BID: variants seen among roughly 807,000 people sequenced by gnomAD.
The protein encoded by BID is BH3 interacting domain death agonist.
Under a neutral mutation model 17.4 loss-of-function variants are expected in BID, and 19 were observed. That is an observed-to-expected ratio of 1.09 (90% CI 0.76 to 1.60). BID has a LOEUF of 1.60. Among genes scored for constraint, BID ranks in the 40% most tolerant of loss-of-function variants. The pLI is 0.00. For synonymous variants in BID, 108 were observed against 102.8 expected (o/e 1.05, Z -0.31); for missense variants, 226 against 256.0 (o/e 0.88, Z 0.80).
chr22:17,761,940 C>G (rs567288924), intron 1 of BID, among the ~76,000 whole-genome samples: 1 of 152,088 alleles, frequency 6.6e-6, no homozygotes, highest in Non-Finnish European at 1.5e-5. Flanking sequence ...ACTGGTAAAT[C>G]GCTTTAGGAG....
intron 3 of BID, chr22:17,740,405 AAAGCAAGGCCCTGCCTCTAC>A: frequency 1.9e-6 from 1 of 523,818 alleles, no homozygotes; most frequent in East Asian, 3.2e-5. Context: ...CACCAGCAAC[AAAGCAAGGCCCTGCCTCTAC>A]AAGAAACTTT....
intron 1 of BID, among the ~76,000 whole-genome samples, chr22:17,762,555 CTT>C (rs70944204): frequency 3.3e-5 from 5 of 149,410 alleles, no homozygotes; most frequent in Non-Finnish European, 7.5e-5. Context: ...TGAATGAACA[CTT>C]TTTTTTTTTT....
intron 1 of BID, among the ~76,000 whole-genome samples, chr22:17,756,055 A>G (rs1388946300): frequency 3.9e-5 from 6 of 152,042 alleles, no homozygotes; most frequent in Non-Finnish European, 5.9e-5. Context: ...TTTAGCAGAG[A>G]TGGGGTTTCA....
intron 1 of BID, among the ~76,000 whole-genome samples, chr22:17,759,585 G>A (rs1050091489): frequency 6.6e-6 from 1 of 152,038 alleles, no homozygotes; most frequent in Admixed American, 6.6e-5. Flanking sequence ...GCCAGGTGTA[G>A]TGGTGTGCAC....
In BID at chr22:17,750,542, C is replaced by T. The variant is rs530909805; in HGVS notation, c.-58-368G>A. ...GGATTTGACAATTAAAAAATTAAAT[C>T]TTCCGGCTGGACGCAGTAGCTCATG... On this transcript the variant is annotated intron_variant, in intron 1 of 5. Coordinates refer to ENST00000622694, the MANE Select transcript of BID (RefSeq NM_001196.4). Among the ~76,000 whole-genome samples the T allele has an allele frequency of 4.6e-5, 7 of 152,276 alleles. No homozygotes were observed. In the South Asian group the frequency reaches 1.5e-3, roughly 32 times the overall value.
chr22:17,737,007 A>G (rs1173515563), intron 5 of BID, among the ~76,000 whole-genome samples: 1 of 152,014 alleles, frequency 6.6e-6, no homozygotes, highest in Non-Finnish European at 1.5e-5. Context: ...GGGTTTCACC[A>G]TCTTGGCCAG....
At chr22:17,760,414 T>C (rs2061628828) in intron 1 of BID, among the ~76,000 whole-genome samples, 1 of 125,502 alleles carries the variant, frequency 8.0e-6, no homozygotes, top group Non-Finnish European at 1.5e-5. Flanking sequence ...ATCGCGCCAC[T>C]GCACTCCAGC....
chr22:17,741,694 T>G (rs1451654935), intron 3 of BID, among the ~76,000 whole-genome samples: 1 of 152,082 alleles, frequency 6.6e-6, no homozygotes, highest in Non-Finnish European at 1.5e-5. Context: ...GCTAGGGTGG[T>G]CTTGAACTCC....
intron 1 of BID, among the ~76,000 whole-genome samples, chr22:17,762,105 G>A (rs898208160): frequency 2.0e-5 from 3 of 152,090 alleles, no homozygotes; most frequent in African/African-American, 4.8e-5. Context: ...TGCAACAACC[G>A]AGAATCCAGG....
chr22:17,742,089 C>T (rs972073956), intron 3 of BID, among the ~76,000 whole-genome samples: 10 of 152,234 alleles, frequency 6.6e-5, no homozygotes, highest in South Asian at 2.1e-4. Context: ...TGTGTCCAGC[C>T]GAGTGAACGG....
chr22:17,767,781 GA>G (rs1334116637), intron 1 of BID, among the ~76,000 whole-genome samples: 1 of 152,138 alleles, frequency 6.6e-6, no homozygotes, highest in African/African-American at 2.4e-5. Flanking sequence ...CAGCGTCCGC[GA>G]AGTGAAAAGT....
chr22:17,742,422 C>T (rs752635776), intron 3 of BID, among the ~76,000 whole-genome samples: 7 of 152,162 alleles, frequency 4.6e-5, no homozygotes, highest in Non-Finnish European at 8.8e-5. Context: ...CAGGGCGAGC[C>T]AGAAGATATG....
chr22:17,750,968 G>A (rs2061534173), intron 1 of BID, among the ~76,000 whole-genome samples: 1 of 151,448 alleles, frequency 6.6e-6, no homozygotes. Flanking sequence ...CCCAGGAGGT[G>A]GAGGCTGCAG....
intron 2 of BID, among the ~76,000 whole-genome samples, chr22:17,749,332 C>T (rs1186416674): frequency 6.6e-6 from 1 of 152,178 alleles, no homozygotes; most frequent in Non-Finnish European, 1.5e-5. Context: ...GGCTCCCCTC[C>T]CAGAACTCCA....
At chr22:17,737,392 G>C (rs1431399904) in intron 5 of BID, among the ~76,000 whole-genome samples, 1 of 151,968 alleles carries the variant, frequency 6.6e-6, no homozygotes, top group East Asian at 1.9e-4. Context: ...TGTCGCCCAG[G>C]CTAAAGTGCA....
At chr22:17,745,239 C>T (rs759920000) in intron 2 of BID, among the ~76,000 whole-genome samples, 2 of 151,900 alleles carry the variant, frequency 1.3e-5, no homozygotes, top group South Asian at 2.1e-4. Flanking sequence ...TTAGTAGAGA[C>T]GAGGTTTCAC....
Position 17,735,460 on chromosome 22 carries a change from C to A in BID, c.*120G>T, listed in dbSNP as rs928760794. ...TCTTTAAAATAGAAGTCACAGCTAT[C>A]TTCCAGCCTGTCTTCTCTAGGAACG... is the stretch of plus-strand genomic sequence containing the variant. On this transcript the variant is annotated 3_prime_UTR_variant, in exon 6 of 6. Coordinates refer to ENST00000622694, the MANE Select transcript of BID (RefSeq NM_001196.4). 2.6e-6 allele frequency: 3 copies of A among 1,168,314 alleles called. No homozygotes were observed. The highest frequency in any genetic ancestry group is 3.8e-6 in the Non-Finnish European group (3 of 791,424). 72.4% of individuals were successfully genotyped at this position (1,168,314 alleles called of 1,614,324 possible). A position where few individuals can be genotyped will look rare whatever the true frequency, so the allele number is the denominator to read the frequency against.
chr22:17,774,067 C>T (rs983029246), intron 1 of BID: 39 of 334,814 alleles, frequency 1.2e-4, no homozygotes, highest in Non-Finnish European at 2.2e-4. Flanking sequence ...CCGCACCCCT[C>T]CCCTGAATCC....
intron 1 of BID, among the ~76,000 whole-genome samples, chr22:17,766,142 T>C (rs1018736902): frequency 3.9e-5 from 6 of 152,226 alleles, no homozygotes; most frequent in South Asian, 2.1e-4. Flanking sequence ...CAGGCTGGTA[T>C]CGAGCTCCTG....
Sources: gnomAD v4.1 joint callset for allele counts (sites outside exome capture counted in the v4.1 genomes callset) on GRCh38, gnomAD v4.1.1 for gene constraint, MANE v1.5 for transcripts, NCBI Gene and HGNC (gene_info 2026-07-23, HGNC 2026-07-21) for gene names.